Variants in NELL1 observed in about 807,000 individuals in gnomAD.
The protein encoded by NELL1 is protein kinase C-binding protein NELL1.
A neutral mutation model predicts 107.4 loss-of-function variants in NELL1; 76 were observed. That is an observed-to-expected ratio of 0.71 (90% CI 0.59 to 0.86). The LOEUF is 0.86. Ranked by LOEUF, NELL1 falls within the 40% of genes least tolerant of loss-of-function variation. The probability of loss-of-function intolerance (pLI) is 0.00; values close to 1 mark genes in which losing one functional copy is unlikely to be tolerated. For missense variants in NELL1, 1,024 were observed against 1,005.5 expected (o/e 1.02, Z -0.25); for synonymous variants, 353 against 341.2 (o/e 1.03, Z -0.38).
chr11:21,295,636 C>T (rs147344165), intron 14 of NELL1, among the ~76,000 whole-genome samples: 20 of 152,088 alleles, frequency 1.3e-4, no homozygotes, highest in African/African-American at 4.1e-4. Context: ...GTTGGGAATA[C>T]GCATAATTTC....
intron 15 of NELL1, among the ~76,000 whole-genome samples, chr11:21,498,752 A>C (rs1443230807): frequency 6.6e-6 from 1 of 152,000 alleles, no homozygotes; most frequent in Non-Finnish European, 1.5e-5. Context: ...GAAGAGATTT[A>C]CCCATTTATA....
intron 15 of NELL1, among the ~76,000 whole-genome samples, chr11:21,467,775 G>A (rs912276096): frequency 2.6e-5 from 4 of 152,180 alleles, no homozygotes; most frequent in Admixed American, 1.3e-4. Flanking sequence ...AGCATGGGGT[G>A]TGATTAGATG....
At chr11:21,161,410 G>A (rs765090150) in intron 13 of NELL1, among the ~76,000 whole-genome samples, 23 of 152,258 alleles carry the variant, frequency 1.5e-4, no homozygotes, top group Non-Finnish European at 2.6e-4. Context: ...AGTGGCGCAC[G>A]CCGGTAATCC....
chr11:21,337,679 C>T (rs1850438064), intron 14 of NELL1, among the ~76,000 whole-genome samples: 1 of 152,200 alleles, frequency 6.6e-6, no homozygotes, highest in Non-Finnish European at 1.5e-5. Context: ...TTTCTACCCT[C>T]CTTCCTGCTG....
chr11:21,092,852 G>A (rs930306604), intron 12 of NELL1, among the ~76,000 whole-genome samples: 2 of 152,114 alleles, frequency 1.3e-5, no homozygotes, highest in Admixed American at 6.5e-5. Flanking sequence ...GGACCTAGAA[G>A]GCCTAGGGAT....
chr11:21,551,980 C>G (rs1591029412), intron 16 of NELL1, among the ~76,000 whole-genome samples: 1 of 145,844 alleles, frequency 6.9e-6, no homozygotes, highest in East Asian at 2.0e-4. Flanking sequence ...AGTTCATGTC[C>G]TTTGTAGGGA....
chr11:21,532,049 T>C (rs1247210986), intron 15 of NELL1, among the ~76,000 whole-genome samples: 1 of 152,192 alleles, frequency 6.6e-6, no homozygotes, highest in African/African-American at 2.4e-5. Context: ...TTATAGACCT[T>C]GCACAGAGAA....
intron 15 of NELL1, among the ~76,000 whole-genome samples, chr11:21,404,608 G>A (rs980175028): frequency 2.6e-5 from 4 of 151,926 alleles, no homozygotes; most frequent in African/African-American, 7.2e-5. Context: ...GGCTTACTGT[G>A]ATGCTAGGCA....
At chr11:21,300,614 CTCT>C (rs1363550783) in intron 14 of NELL1, among the ~76,000 whole-genome samples, 1 of 151,938 alleles carries the variant, frequency 6.6e-6, no homozygotes, top group Non-Finnish European at 1.5e-5. Context: ...TTTCCATTTT[CTCT>C]TCTTCTAACA....
intron 3 of NELL1, among the ~76,000 whole-genome samples, chr11:20,839,626 A>C (rs1425025283): frequency 6.6e-6 from 1 of 152,156 alleles, no homozygotes; most frequent in Non-Finnish European, 1.5e-5. Flanking sequence ...TGTGAAGTAG[A>C]TGTTTATTTT....
At chr11:20,995,937 G>A (rs939277765) in intron 12 of NELL1, among the ~76,000 whole-genome samples, 16 of 152,218 alleles carry the variant, frequency 1.1e-4, no homozygotes, top group Admixed American at 7.2e-4. Context: ...GGCAAGGGCT[G>A]AAGAATGAAC....
intron 15 of NELL1, among the ~76,000 whole-genome samples, chr11:21,521,876 AT>A (rs2133956598): frequency 6.6e-6 from 1 of 152,302 alleles, no homozygotes; most frequent in African/African-American, 2.4e-5. Context: ...ATCTTTTCAT[AT>A]ACTTTTGGTC....
At chr11:20,958,979 G>A (rs1360003975) in intron 11 of NELL1, among the ~76,000 whole-genome samples, 5 of 152,152 alleles carry the variant, frequency 3.3e-5, no homozygotes, top group Non-Finnish European at 1.5e-5. Flanking sequence ...GTTTCCCAAT[G>A]TGTTTAAAAG....
intron 16 of NELL1, among the ~76,000 whole-genome samples, chr11:21,550,526 A>G (rs1467631491): frequency 6.6e-6 from 1 of 152,004 alleles, no homozygotes; most frequent in Non-Finnish European, 1.5e-5. Context: ...TATAAGGTGT[A>G]AGGAAGGGAT....
chr11:21,473,754 C>T (rs1455338997), intron 15 of NELL1, among the ~76,000 whole-genome samples: 2 of 151,988 alleles, frequency 1.3e-5, no homozygotes, highest in East Asian at 3.9e-4. Flanking sequence ...GGAGGAAATT[C>T]TAAGGCTTAC....
At chr11:21,067,653 G>C (rs1018689548) in intron 12 of NELL1, among the ~76,000 whole-genome samples, 47 of 152,136 alleles carry the variant, frequency 3.1e-4, no homozygotes, top group African/African-American at 1.1e-3. Flanking sequence ...GCTTTGGAGA[G>C]CATTGGCTTA....
At chr11:21,132,830 G>T (rs1055324698) in intron 13 of NELL1, among the ~76,000 whole-genome samples, 2 of 152,164 alleles carry the variant, frequency 1.3e-5, no homozygotes, top group Non-Finnish European at 1.5e-5. Flanking sequence ...CCCTGTTTGC[G>T]TTGCTGCTCT....
At chr11:20,918,108 G>T (rs908703149) in intron 5 of NELL1, 74 bp from the exon 6 acceptor site, 2 of 829,892 alleles carry the variant, frequency 2.4e-6, no homozygotes, top group Non-Finnish European at 4.2e-6. Context: ...CCTGCCAAGA[G>T]TATGTGATTG....
chr11:20,985,785 A>C (rs562601255), intron 12 of NELL1, among the ~76,000 whole-genome samples: 2 of 152,336 alleles, frequency 1.3e-5, no homozygotes, highest in East Asian at 3.9e-4. Flanking sequence ...CACAAGTCTT[A>C]TATAATTAGT....
Sources: gnomAD v4.1 joint callset for allele counts (sites outside exome capture counted in the v4.1 genomes callset) on GRCh38, gnomAD v4.1.1 for gene constraint, MANE v1.5 for transcripts, NCBI Gene and HGNC (gene_info 2026-07-23, HGNC 2026-07-21) for gene names.